The following DNAJC2 variants were observed in gnomAD, a reference collection of about 807,000 sequenced individuals.
DNAJC2 encodes the protein dnaJ homolog subfamily C member 2.
DNAJC2 carries 32 observed loss-of-function variants against 94.0 expected under a neutral mutation model. That is an observed-to-expected ratio of 0.34 (90% confidence interval 0.26 to 0.46). DNAJC2 has a LOEUF of 0.46. Among genes scored for constraint, DNAJC2 ranks in the 20% least tolerant of loss-of-function variants. DNAJC2 has a pLI of 1.00. For missense variants in DNAJC2, 550 were observed against 719.5 expected, an observed-to-expected ratio of 0.76 and a Z score of 2.69; for synonymous variants, 210 against 229.7, an observed-to-expected ratio of 0.91 and a Z score of 0.77.
chr7:103,338,693 T>C (rs2116042318), intron 2 of DNAJC2, among the ~76,000 whole-genome samples: 1 of 150,944 alleles, frequency 6.6e-6, no homozygotes, highest in South Asian at 2.1e-4. Flanking sequence ...GGGTGGATCA[T>C]GAGGTCAGGA....
Position 103,312,311 on chromosome 7 carries a change from A to AAAAC in DNAJC2, c.*254_*257dup, listed in dbSNP as rs750389616. The AAAAC allele has an allele frequency of 6.2e-6, 10 of 1,603,130 alleles. No individual in the cohort carries two copies. ...AGATTGTTTGAACACATGTATTTAT[A>AAAAC]AAACAGAGCTAGAGAAAAATAAAAA... On this transcript the variant is annotated 3_prime_UTR_variant, in exon 17 of 17. Transcript: ENST00000379263.
chr7:103,322,236 G>A (rs1182172258), intron 9 of DNAJC2, among the ~76,000 whole-genome samples, 155 bp from the exon 10 acceptor site: 1 of 152,046 alleles, frequency 6.6e-6, no homozygotes, highest in African/African-American at 2.4e-5. Context: ...AAGACAGCTG[G>A]TAAAGATCTA....
intron 2 of DNAJC2, among the ~76,000 whole-genome samples, chr7:103,338,035 G>C (rs1819241935): frequency 6.6e-6 from 1 of 152,144 alleles, no homozygotes; most frequent in Admixed American, 6.5e-5. Flanking sequence ...GGGAGGCCCA[G>C]GTGGAGGATT....
rs565220629 is a variant in DNAJC2, at chr7:103,317,132, T to C, written c.1243-118A>G. 1.2e-5 allele frequency: 11 copies of C among 911,812 alleles called. No individual in the cohort carries two copies. The East Asian group carries it at 2.0e-4, about 17-fold the overall frequency. 56.5% of individuals were successfully genotyped at this position (911,812 alleles called of 1,614,324 possible). On this transcript the variant is annotated intron_variant, in intron 12 of 16. Coordinates refer to ENST00000379263, the MANE Select transcript of DNAJC2 (RefSeq NM_014377.3). ...CAATGTCATTCTCACTCTGACCCCA[T>C]ACTCCTCTCAGGCCAACCCAAAAAG...
chr7:103,328,600 C>T (rs1818832627), intron 3 of DNAJC2, among the ~76,000 whole-genome samples: 1 of 152,036 alleles, frequency 6.6e-6, no homozygotes, highest in African/African-American at 2.4e-5. Context: ...CACTGCATTC[C>T]AGCCTGGGTG....
intron 1 of DNAJC2, among the ~76,000 whole-genome samples, chr7:103,343,046 C>CTACA (rs1490758083): frequency 6.6e-6 from 1 of 152,004 alleles, no homozygotes; most frequent in African/African-American, 2.4e-5. Context: ...GTTGTCCAGG[C>CTACA]TGTAGTGCAA....
At chr7:103,339,839 C>G (rs191579227) in intron 2 of DNAJC2, among the ~76,000 whole-genome samples, 38 of 151,092 alleles carry the variant, frequency 2.5e-4, no homozygotes, top group Admixed American at 1.5e-3. Context: ...GGTGACTCTT[C>G]CCACGCCCCT....
Position 103,322,527 on chromosome 7 carries a change from TGCTC to T in DNAJC2, c.913_916del (p.Glu305LysfsTer12). 6.6e-7 allele frequency: 1 copy of T among 1,513,400 alleles called. No homozygotes were observed. The highest frequency in any genetic ancestry group is 9.0e-7 in the Non-Finnish European group (1 of 1,106,050). The allele number at this position is 1,513,400 out of a possible 1,614,324, so 93.7% of individuals were successfully genotyped here. ...TTGTCTTACTTTTTCTTTAGCTTCT[TGCTC>T]CTTCCGTTTAGCTTCTGCTTTTGCT... On this transcript the variant is annotated frameshift_variant, in exon 9 of 17. Transcript: ENST00000379263. LOFTEE classifies it high-confidence loss of function.
Position 103,344,331 on chromosome 7 carries a change from G to A in DNAJC2, c.64+228C>T, listed in dbSNP as rs961832407. 6.8e-5 allele frequency: 40 copies of A among 584,922 alleles called. 1 individual carries two copies. Among genetic ancestry groups the A allele is most frequent in the Admixed American group, 2.5e-4 (8 of 32,134 alleles). 36.2% of individuals were successfully genotyped at this position (584,922 alleles called of 1,614,324 possible). ...ATCCATGAGTCAGCAGCGGCGAGAG[G>A]AGGAAGCAACGGTAGGAGCAAAAGG... On this transcript the variant is annotated intron_variant, in intron 1 of 16. Transcript: ENST00000379263.
At chr7:103,325,335 G>C (rs944911971) in intron 5 of DNAJC2, among the ~76,000 whole-genome samples, 5 of 152,116 alleles carry the variant, frequency 3.3e-5, no homozygotes, top group African/African-American at 1.2e-4. Context: ...TACTCAGGAG[G>C]CTGAGGCAGG....
rs1240639576 is a variant in DNAJC2 at position 103,321,477 on chromosome 7, C to T, written c.1083+455G>A. On this transcript the variant is annotated intron_variant, in intron 10 of 16. Coordinates refer to ENST00000379263, the MANE Select transcript of DNAJC2 (RefSeq NM_014377.3). ...GGGTTGCAGTGAGCCAAAATCGTGCCATTGCACTCCAGACCAGGTGACAGT... is the reference window on the plus strand; with the variant it reads ...GGGTTGCAGTGAGCCAAAATCGTGCTATTGCACTCCAGACCAGGTGACAGT... 2.0e-5 allele frequency among the ~76,000 whole-genome samples: 3 copies of T among 151,526 alleles called. No individual in the cohort carries two copies. The East Asian group carries it at 5.8e-4, about 30-fold the overall frequency.
At chr7:103,319,720 C>T (rs1219784344) in intron 11 of DNAJC2, 36 bp downstream of exon 11, 2 of 1,613,938 alleles carry the variant, frequency 1.2e-6, no homozygotes, top group Admixed American at 3.3e-5. Flanking sequence ...ATCCTAAGCT[C>T]AAGTGAAGAC....
At chr7:103,342,610 ATTTT>A (rs1216827265) in intron 1 of DNAJC2, among the ~76,000 whole-genome samples, 1 of 136,452 alleles carries the variant, frequency 7.3e-6, no homozygotes, top group Non-Finnish European at 1.6e-5. Context: ...CACCTGGACA[ATTTT>A]TTTTTTTTTT....
rs75224659 is a variant in DNAJC2, at chr7:103,344,069, A to T, written c.64+490T>A. Among the ~76,000 whole-genome samples the T allele has an allele frequency of 2.0e-5, 3 of 152,232 alleles. No individual in the cohort carries two copies. The East Asian group carries it at 5.8e-4, about 29-fold the overall frequency. ...AGTCTACGCGGATCTTTTCAGCAGC[A>T]CAGTCTTTGAACACCGAGTATGAGG... On this transcript the variant is annotated intron_variant, in intron 1 of 16. Coordinates refer to ENST00000379263, the MANE Select transcript of DNAJC2 (RefSeq NM_014377.3).
intron 15 of DNAJC2, chr7:103,313,972 A>G: frequency 1.0e-6 from 1 of 985,418 alleles, no homozygotes. Context: ...GGCCTGTGAG[A>G]TCTGTTAAAA....
intron 6 of DNAJC2, 63 bp downstream of exon 6, chr7:103,324,419 T>C (rs1818589225): frequency 1.5e-6 from 2 of 1,355,166 alleles, no homozygotes; most frequent in Non-Finnish European, 2.0e-6. Flanking sequence ...AACAATCAAG[T>C]ACTTATTGAA....
intron 13 of DNAJC2, 171 bp downstream of exon 13, chr7:103,316,659 A>AT: frequency 1.6e-6 from 1 of 610,918 alleles, no homozygotes; most frequent in South Asian, 2.0e-5. Context: ...TACTGATGCA[A>AT]TGGGTAAGAC....
At chr7:103,342,658 G>C (rs1480764574) in intron 1 of DNAJC2, among the ~76,000 whole-genome samples, 1 of 150,174 alleles carries the variant, frequency 6.7e-6, no homozygotes, top group Non-Finnish European at 1.5e-5. Flanking sequence ...ACCCAGGCTG[G>C]AGTGCAATGG....
rs1398381646 is a variant in DNAJC2 at position 103,315,868 on chromosome 7, G to A, written c.1532C>T (p.Pro511Leu). ...GKAKSLQKLD[P>L]HQKDDINKKA... ...TTTATTTATGTCATCTTTTTGATGA[G>A]GGTCTGAGAAATGAAAAAAATTTAA... Residue 511 changes from proline to leucine, a missense_variant, in exon 15 of 17, where the codon CCT becomes CTT. Coordinates refer to ENST00000379263, the MANE Select transcript of DNAJC2 (RefSeq NM_014377.3). 1.2e-5 allele frequency: 19 copies of A among 1,606,738 alleles called. No individual in the cohort carries two copies. Among genetic ancestry groups the A allele is most frequent in the Non-Finnish European group, 1.5e-5 (18 of 1,175,182 alleles).
Sources: allele counts gnomAD v4.1 joint callset (sites outside exome capture counted in the v4.1 genomes callset), GRCh38; gene constraint gnomAD v4.1.1; transcripts MANE v1.5; gene names NCBI Gene and HGNC (gene_info 2026-07-23, HGNC 2026-07-21).